Variants in GPC6 observed in about 807,000 individuals in gnomAD.
GPC6 encodes the protein glypican-6.
GPC6 carries 14 observed loss-of-function variants against 55.2 expected under a neutral mutation model. The observed-to-expected ratio is 0.25, with a 90% confidence interval of 0.17 to 0.40. The LOEUF is 0.40. Ranked by LOEUF, GPC6 falls within the 10% of genes least tolerant of loss-of-function variation. The pLI is 1.00. For missense variants in GPC6, 641 were observed against 708.5 expected, an observed-to-expected ratio of 0.90 and a Z score of 1.08; for synonymous variants, 278 against 259.6, an observed-to-expected ratio of 1.07 and a Z score of -0.68.
chr13:93,781,818 G>A (rs1885661033), intron 2 of GPC6, among the ~76,000 whole-genome samples: 1 of 151,964 alleles, frequency 6.6e-6, no homozygotes, highest in South Asian at 2.1e-4. Flanking sequence ...AATTATATAT[G>A]TATAATTTTA....
chr13:93,333,348 A>G (rs145764014), intron 1 of GPC6, among the ~76,000 whole-genome samples: 1 of 152,012 alleles, frequency 6.6e-6, no homozygotes, highest in East Asian at 1.9e-4. Flanking sequence ...ATATCCTTGT[A>G]TTCTTTTGTT....
At chr13:93,433,119 G>T (rs1228825243) in intron 1 of GPC6, among the ~76,000 whole-genome samples, 1 of 152,116 alleles carries the variant, frequency 6.6e-6, no homozygotes, top group Non-Finnish European at 1.5e-5. Context: ...AAATCTATGT[G>T]AGCTATCAGT....
intron 3 of GPC6, among the ~76,000 whole-genome samples, chr13:93,966,844 G>A (rs1332594518): frequency 6.6e-6 from 1 of 151,752 alleles, no homozygotes; most frequent in African/African-American, 2.4e-5. Flanking sequence ...TTGCAGTGAT[G>A]GGGTCTTGCT....
intron 6 of GPC6, among the ~76,000 whole-genome samples, chr13:94,342,506 C>A (rs2139157848): frequency 6.6e-6 from 1 of 152,306 alleles, no homozygotes; most frequent in South Asian, 2.1e-4. Flanking sequence ...TAGGAGAGAG[C>A]AGTGCACAGA....
chr13:94,225,365 C>A (rs1890515211), intron 4 of GPC6, among the ~76,000 whole-genome samples: 2 of 152,192 alleles, frequency 1.3e-5, no homozygotes, highest in South Asian at 2.1e-4. Context: ...TCCACCCAAG[C>A]TTTACCATAA....
chr13:93,355,777 G>A (rs544194297), intron 1 of GPC6, among the ~76,000 whole-genome samples: 94 of 152,282 alleles, frequency 6.2e-4, no homozygotes, highest in African/African-American at 2.3e-3. Flanking sequence ...GTCTGGAAAT[G>A]GTGATGTTCT....
intron 2 of GPC6, among the ~76,000 whole-genome samples, chr13:93,681,945 G>T (rs572642869): frequency 1.3e-5 from 2 of 152,056 alleles, no homozygotes; most frequent in South Asian, 4.1e-4. Flanking sequence ...TTAACTTTTA[G>T]TACCCTTTTT....
intron 1 of GPC6, among the ~76,000 whole-genome samples, chr13:93,263,465 A>C (rs1877219241): frequency 6.6e-6 from 1 of 152,084 alleles, no homozygotes; most frequent in Admixed American, 6.6e-5. Flanking sequence ...CGTGGGTTCA[A>C]GTGATTCTCC....
chr13:94,342,462 G>A (rs1566698092), intron 6 of GPC6, among the ~76,000 whole-genome samples: 1 of 152,262 alleles, frequency 6.6e-6, no homozygotes, highest in Admixed American at 6.5e-5. Context: ...TGATGCAGCC[G>A]TCGGTCAAAG....
intron 4 of GPC6, among the ~76,000 whole-genome samples, chr13:94,059,625 T>C (rs1199692745): frequency 2.0e-5 from 3 of 152,044 alleles, no homozygotes; most frequent in Non-Finnish European, 2.9e-5. Flanking sequence ...ACAACAGATA[T>C]TTATTTTTCA....
At chr13:93,310,087 A>G (rs1339424110) in intron 1 of GPC6, among the ~76,000 whole-genome samples, 1 of 152,216 alleles carries the variant, frequency 6.6e-6, no homozygotes, top group Non-Finnish European at 1.5e-5. Context: ...CTATGTGAAT[A>G]CACATTTCAC....
intron 2 of GPC6, among the ~76,000 whole-genome samples, chr13:93,738,959 A>T (rs1594414974): frequency 6.6e-6 from 1 of 151,626 alleles, no homozygotes; most frequent in East Asian, 2.0e-4. Context: ...ACACACACAC[A>T]CACACACACA....
chr13:93,249,659 C>G (rs937355028), intron 1 of GPC6, among the ~76,000 whole-genome samples: 1 of 152,206 alleles, frequency 6.6e-6, no homozygotes, highest in African/African-American at 2.4e-5. Context: ...TTGGTCCAAG[C>G]AGCGCCTCAT....
intron 2 of GPC6, among the ~76,000 whole-genome samples, chr13:93,600,567 C>T (rs1877964074): frequency 6.6e-6 from 1 of 152,180 alleles, no homozygotes; most frequent in Admixed American, 6.5e-5. Flanking sequence ...GACACTCAAT[C>T]TGGGTAGAAA....
intron 4 of GPC6, among the ~76,000 whole-genome samples, chr13:94,029,607 A>G (rs1883037120): frequency 2.0e-5 from 3 of 152,222 alleles, no homozygotes; most frequent in South Asian, 4.1e-4. Context: ...ATAGTCATCC[A>G]TATTTTTAGT....
chr13:93,848,192 G>A (rs1016334029), intron 3 of GPC6, among the ~76,000 whole-genome samples: 3 of 152,070 alleles, frequency 2.0e-5, no homozygotes, highest in African/African-American at 7.2e-5. Context: ...GAGAAAGTTT[G>A]TACATAACTT....
At chr13:94,290,363 G>A (rs950335146) in intron 5 of GPC6, among the ~76,000 whole-genome samples, 1 of 146,838 alleles carries the variant, frequency 6.8e-6, no homozygotes, top group Non-Finnish European at 1.5e-5. Flanking sequence ...CGAGGCTACA[G>A]TGAGCTATGA....
Position 93,848,030 on chromosome 13 carries a change from T to C in GPC6, c.711+17485T>C, listed in dbSNP as rs1226932660. Among the ~76,000 whole-genome samples the C allele has an allele frequency of 3.3e-5, 5 of 152,292 alleles. No homozygotes were observed. In the East Asian group the frequency reaches 9.7e-4, roughly 29 times the overall value. ...CCCAGAATATTGGTCTAGCAGTTTT[T>C]TGAACACAACATTGACTCAATTTCT... On this transcript the variant is annotated intron_variant, in intron 3 of 8. Transcript: ENST00000377047.
At chr13:94,015,292 C>T (rs1016250352) in intron 3 of GPC6, among the ~76,000 whole-genome samples, 1 of 152,084 alleles carries the variant, frequency 6.6e-6, no homozygotes, top group Non-Finnish European at 1.5e-5. Flanking sequence ...TGATGTTGAG[C>T]ATGTTTTGTT....
Sources: gnomAD v4.1 joint callset for allele counts (sites outside exome capture counted in the v4.1 genomes callset) on GRCh38, gnomAD v4.1.1 for gene constraint, MANE v1.5 for transcripts, NCBI Gene and HGNC (gene_info 2026-07-23, HGNC 2026-07-21) for gene names.